The following VAV3 variants were observed in gnomAD, a reference collection of about 807,000 sequenced individuals.
VAV3 encodes vav guanine nucleotide exchange factor 3.
VAV3 carries 94 observed loss-of-function variants against 131.2 expected under a neutral mutation model. That is an observed-to-expected ratio of 0.72 (90% confidence interval 0.61 to 0.85). VAV3 has a LOEUF of 0.85. Among genes scored for constraint, VAV3 ranks in the 40% least tolerant of loss-of-function variants. VAV3 has a pLI of 0.00. For missense variants in VAV3, 939 were observed against 1,002.7 expected (o/e 0.94, Z 0.86); for synonymous variants, 349 against 342.0 (o/e 1.02, Z -0.22).
At chr1:107,918,726 A>G (rs543198837) in intron 1 of VAV3, among the ~76,000 whole-genome samples, 1 of 138,328 alleles carries the variant, frequency 7.2e-6, no homozygotes, top group African/African-American at 2.7e-5. Context: ...TTTTTGAGAG[A>G]TGGAGTTTTG....
At chr1:107,658,094 T>C (rs928415633) in intron 19 of VAV3, among the ~76,000 whole-genome samples, 1 of 152,218 alleles carries the variant, frequency 6.6e-6, no homozygotes, top group Non-Finnish European at 1.5e-5. Flanking sequence ...AAAACCGTAC[T>C]TCCTTTCAAA....
intron 15 of VAV3, among the ~76,000 whole-genome samples, chr1:107,744,478 C>T (rs1663212434): frequency 1.3e-5 from 2 of 152,152 alleles, no homozygotes; most frequent in South Asian, 4.1e-4. Context: ...CCTTTCATTT[C>T]CCTTCAAAAA....
intron 2 of VAV3, among the ~76,000 whole-genome samples, chr1:107,849,554 C>T (rs994516749): frequency 2.6e-5 from 4 of 152,138 alleles, no homozygotes; most frequent in African/African-American, 7.2e-5. Context: ...GGACCCCTTC[C>T]TTATACCTTA....
chr1:107,579,224 C>T (rs369012482), intron 25 of VAV3, among the ~76,000 whole-genome samples: 2 of 152,302 alleles, frequency 1.3e-5, no homozygotes, highest in South Asian at 2.1e-4. Context: ...GCTTTGGCCC[C>T]GCTGCTGTCT....
chr1:107,693,048 T>C (rs976910495), intron 17 of VAV3, among the ~76,000 whole-genome samples: 2 of 152,068 alleles, frequency 1.3e-5, no homozygotes. Flanking sequence ...TTCGCGGTGG[T>C]GTACTGTGAG....
At chr1:107,804,952 G>A (rs1666994404) in intron 2 of VAV3, among the ~76,000 whole-genome samples, 1 of 151,770 alleles carries the variant, frequency 6.6e-6, no homozygotes, top group African/African-American at 2.4e-5. Context: ...CAGCAGGGGT[G>A]GGGTGGGGGT....
At chr1:107,598,350 C>G (rs1258516165) in intron 24 of VAV3, among the ~76,000 whole-genome samples, 4 of 150,458 alleles carry the variant, frequency 2.7e-5, no homozygotes, top group Non-Finnish European at 4.5e-5. Context: ...GAACGAAACT[C>G]TGTCTCAAAA....
Position 107,955,593 on chromosome 1 carries a change from T to C in VAV3, c.204+9073A>G, listed in dbSNP as rs113319728. Among the ~76,000 whole-genome samples the C allele has an allele frequency of 2.1e-3, 322 of 152,214 alleles. 1 individual carries two copies. The highest frequency in any genetic ancestry group is 7.3e-3 in the African/African-American group (305 of 41,526). On this transcript the variant is annotated intron_variant, in intron 1 of 26. Transcript: ENST00000370056. ...AAAGCAGCATGTGCTCAGCCACACC[T>C]GGGAGAAAAGTCAGGGAAGACAATA...
intron 2 of VAV3, among the ~76,000 whole-genome samples, chr1:107,794,414 A>G (rs1666441183): frequency 1.3e-5 from 2 of 152,142 alleles, no homozygotes; most frequent in South Asian, 2.1e-4. Context: ...ATTATGATAC[A>G]TTTTTTCCTT....
chr1:107,805,360 T>C (rs1042684423), intron 2 of VAV3, among the ~76,000 whole-genome samples: 1 of 152,200 alleles, frequency 6.6e-6, no homozygotes, highest in African/African-American at 2.4e-5. Context: ...CCATTCTTTC[T>C]TTTTTCTCCT....
chr1:107,671,230 T>A (rs1657769162), intron 19 of VAV3, among the ~76,000 whole-genome samples: 1 of 152,182 alleles, frequency 6.6e-6, no homozygotes, highest in Admixed American at 6.5e-5. Context: ...ATCACACGAT[T>A]TTGTTGGGGC....
chr1:107,621,572 T>C (rs754259038), intron 20 of VAV3, among the ~76,000 whole-genome samples: 4 of 152,124 alleles, frequency 2.6e-5, no homozygotes, highest in Non-Finnish European at 5.9e-5. Context: ...AATGATTTAG[T>C]GCACTTTATG....
intron 19 of VAV3, among the ~76,000 whole-genome samples, chr1:107,659,709 A>AGTATTAAGGATATGCTG (rs1222245185): frequency 6.6e-6 from 1 of 152,200 alleles, no homozygotes; most frequent in Non-Finnish European, 1.5e-5. Flanking sequence ...TATTATGTAT[A>AGTATTAAGGATATGCTG]GTATTAAGGA....
intron 25 of VAV3, among the ~76,000 whole-genome samples, chr1:107,583,122 G>T (rs1349169858): frequency 6.6e-6 from 1 of 152,102 alleles, no homozygotes; most frequent in Non-Finnish European, 1.5e-5. Context: ...GTGTGAGATG[G>T]TATCTCACTG....
intron 17 of VAV3, among the ~76,000 whole-genome samples, chr1:107,694,258 A>G (rs1450976299): frequency 2.6e-5 from 4 of 152,178 alleles, no homozygotes; most frequent in Non-Finnish European, 4.4e-5. Flanking sequence ...GTTTGGACAG[A>G]AAGCAATGAA....
At chr1:107,837,353 T>A (rs1668521660) in intron 2 of VAV3, among the ~76,000 whole-genome samples, 1 of 148,818 alleles carries the variant, frequency 6.7e-6, no homozygotes, top group Non-Finnish European at 1.5e-5. Flanking sequence ...AGAAAAAAAC[T>A]TTGAATAAAA....
intron 1 of VAV3, among the ~76,000 whole-genome samples, chr1:107,883,135 G>GT (rs372615951): frequency 2.2e-4 from 34 of 151,838 alleles, no homozygotes; most frequent in Admixed American, 1.5e-3. Context: ...AAGTTAACAG[G>GT]TTTTTTTTCA....
chr1:107,620,719 G>T (rs1428175879), intron 20 of VAV3, among the ~76,000 whole-genome samples: 1 of 152,116 alleles, frequency 6.6e-6, no homozygotes, highest in Non-Finnish European at 1.5e-5. Flanking sequence ...TAAGGACAGC[G>T]TTGGGGAGTG....
chr1:107,876,474 T>C (rs578110269), intron 1 of VAV3, among the ~76,000 whole-genome samples: 2 of 152,132 alleles, frequency 1.3e-5, no homozygotes, highest in South Asian at 2.1e-4. Context: ...AATAACCTGA[T>C]AGAGAGGGGA....
Sources: allele counts gnomAD v4.1 joint callset (sites outside exome capture counted in the v4.1 genomes callset), GRCh38; gene constraint gnomAD v4.1.1; transcripts MANE v1.5; gene names NCBI Gene and HGNC (gene_info 2026-07-23, HGNC 2026-07-21).